SAMMSON: variants seen among roughly 807,000 people sequenced by gnomAD.
SAMMSON encodes survival associated mitochondrial melanoma specific oncogenic non-coding RNA.
At chr3:70,270,204 G>A (rs546575673) in intron 6 of SAMMSON, among the ~76,000 whole-genome samples, 1 of 152,254 alleles carries the variant, frequency 6.6e-6, no homozygotes, top group Admixed American at 6.5e-5. Context: ...AAAAAAAGTG[G>A]TGGAAGTCTC....
At chr3:70,024,258 C>G (rs193108228) in intron 3 of SAMMSON, among the ~76,000 whole-genome samples, 10 of 152,062 alleles carry the variant, frequency 6.6e-5, no homozygotes, top group Admixed American at 2.0e-4. Context: ...CACTGATATA[C>G]GATGATAAAA....
intron 7 of SAMMSON, among the ~76,000 whole-genome samples, chr3:70,346,027 G>T (rs1702747717): frequency 6.6e-6 from 1 of 152,154 alleles, no homozygotes; most frequent in African/African-American, 2.4e-5. Flanking sequence ...ATAGGACAAG[G>T]CTTTGTTTAG....
At chr3:70,063,696 C>A (rs1356503589) in intron 3 of SAMMSON, among the ~76,000 whole-genome samples, 5 of 152,122 alleles carry the variant, frequency 3.3e-5, no homozygotes, top group Non-Finnish European at 1.5e-5. Context: ...TTCTGTGAAT[C>A]AAATCCTTAT....
intron 4 of SAMMSON, chr3:70,206,516 G>T (rs573517051): frequency 3.5e-5 from 14 of 396,880 alleles, no homozygotes; most frequent in Non-Finnish European, 4.9e-5. Flanking sequence ...ATTTTACAGG[G>T]GATGGGGGTT....
intron 3 of SAMMSON, among the ~76,000 whole-genome samples, chr3:70,060,925 A>C (rs1026830924): frequency 2.0e-5 from 3 of 152,070 alleles, no homozygotes; most frequent in African/African-American, 7.2e-5. Context: ...TAAGTAGTGG[A>C]GAAAAGATGA....
At chr3:70,055,523 CATTTTTAAACCTCCA>C (rs1333577272) in intron 3 of SAMMSON, among the ~76,000 whole-genome samples, 1 of 152,064 alleles carries the variant, frequency 6.6e-6, no homozygotes, top group Non-Finnish European at 1.5e-5. Context: ...TTACTTTGTA[CATTTTTAAACCTCCA>C]ATGATATTTC....
intron 4 of SAMMSON, among the ~76,000 whole-genome samples, chr3:70,074,082 C>T (rs1183130183): frequency 6.6e-6 from 1 of 151,758 alleles, no homozygotes; most frequent in Non-Finnish European, 1.5e-5. Flanking sequence ...TATTATACAA[C>T]AGCTAAAAAA....
chr3:70,177,734 C>T (rs1190755987), intron 4 of SAMMSON, among the ~76,000 whole-genome samples: 2 of 152,222 alleles, frequency 1.3e-5, no homozygotes, highest in Admixed American at 6.5e-5. Context: ...CATTATTATT[C>T]CCATTTTACA....
chr3:70,381,889 G>A (rs1703071735), intron 9 of SAMMSON, among the ~76,000 whole-genome samples: 1 of 152,060 alleles, frequency 6.6e-6, no homozygotes, highest in Non-Finnish European at 1.5e-5. Context: ...TAAATCACAT[G>A]AATCCACTAT....
intron 2 of SAMMSON, among the ~76,000 whole-genome samples, chr3:70,409,560 A>G (rs190358980): frequency 2.0e-5 from 3 of 152,086 alleles, no homozygotes; most frequent in Admixed American, 1.3e-4. Flanking sequence ...ACTGGCTCCA[A>G]GTAATTATAA....
chr3:70,179,994 T>C (rs1291362102), intron 4 of SAMMSON, among the ~76,000 whole-genome samples: 1 of 129,378 alleles, frequency 7.7e-6, no homozygotes, highest in African/African-American at 3.0e-5. Context: ...TTATTTTACC[T>C]GTGCTTCGTA....
At chr3:70,419,199 G>GT (rs1234126105) in intron 2 of SAMMSON, among the ~76,000 whole-genome samples, 54 of 150,988 alleles carry the variant, frequency 3.6e-4, no homozygotes, top group African/African-American at 1.1e-3. Flanking sequence ...TAATTATTGC[G>GT]TTTTTTTTTC....
chr3:70,245,487 T>C (rs1037940607), intron 4 of SAMMSON, among the ~76,000 whole-genome samples: 3 of 151,558 alleles, frequency 2.0e-5, no homozygotes, highest in South Asian at 2.1e-4. Context: ...CCTCTTTAAA[T>C]GACTTTGTTA....
At chr3:70,326,019 C>G (rs1702578567) in intron 7 of SAMMSON, among the ~76,000 whole-genome samples, 2 of 152,136 alleles carry the variant, frequency 1.3e-5, no homozygotes. Context: ...GCTCTCAGAA[C>G]TCTAGTAAAA....
chr3:70,031,879 G>T (rs1311838178), intron 3 of SAMMSON, among the ~76,000 whole-genome samples: 1 of 152,118 alleles, frequency 6.6e-6, no homozygotes, highest in Admixed American at 6.5e-5. Context: ...CAGGCTCACA[G>T]TAAGCATGCA....
chr3:70,392,026 C>T (rs137971631), downstream of SAMMSON, among the ~76,000 whole-genome samples: 381 of 152,174 alleles, frequency 2.5e-3, 2 homozygotes, highest in African/African-American at 7.8e-3. Flanking sequence ...CACAAATGGC[C>T]GCCTTCCTGT....
At chr3:70,146,567 G>A (rs1165743841) in intron 4 of SAMMSON, among the ~76,000 whole-genome samples, 1 of 151,870 alleles carries the variant, frequency 6.6e-6, no homozygotes, top group East Asian at 1.9e-4. Context: ...AAATCCACAT[G>A]AATATATCAA....
chr3:70,143,380 G>GTGTA (rs554340244), intron 4 of SAMMSON, among the ~76,000 whole-genome samples: 33 of 151,944 alleles, frequency 2.2e-4, no homozygotes, highest in South Asian at 1.9e-3. Flanking sequence ...GTGTGTGTGT[G>GTGTA]TGTGTATAAT....
chr3:70,206,300 T>C (rs1028007446), intron 4 of SAMMSON, among the ~76,000 whole-genome samples: 5 of 152,030 alleles, frequency 3.3e-5, no homozygotes, highest in African/African-American at 1.2e-4. Flanking sequence ...ATCTGCCTCA[T>C]AGCCCCATAG....
Sources: gnomAD v4.1 joint callset for allele counts (sites outside exome capture counted in the v4.1 genomes callset) on GRCh38, gnomAD v4.1.1 for gene constraint, MANE v1.5 for transcripts, NCBI Gene and HGNC (gene_info 2026-07-23, HGNC 2026-07-21) for gene names.